CBARP: variants seen among roughly 807,000 people sequenced by gnomAD.
CBARP encodes CACN subunit beta associated regulatory protein, also known as voltage-dependent calcium channel beta subunit-associated regulatory protein.
A neutral mutation model predicts 36.3 loss-of-function variants in CBARP; 24 were observed. The ratio of observed to expected loss-of-function variants is 0.66; its 90% CI spans 0.48 to 0.93. The LOEUF (loss-of-function observed/expected upper bound fraction) is 0.93. CBARP is among the 40% of genes least tolerant of loss of function. The pLI, the probability that CBARP is intolerant of heterozygous loss-of-function variation, is 0.00. For synonymous variants in CBARP, 586 were observed against 453.2 expected (o/e 1.29, Z -3.72); for missense variants, 1,146 against 980.4 (o/e 1.17, Z -2.26).
Position 1,229,662 on chromosome 19 carries a change from C to T in CBARP, c.1635G>A (p.Lys545=), listed in dbSNP as rs1192683646. Residue 545 remains lysine (K), a synonymous_variant, in exon 10 of 10, where the codon AAG becomes AAA. Coordinates refer to ENST00000650044, the MANE Select transcript of CBARP (RefSeq NM_001393918.1). This position sits in a 1 kb window ranked among gnomAD's most constrained non-coding sequence, Gnocchi z 5.1. The part of the protein sequence containing the change: ...RPRRDYSIDE[K]TDALFHEFLR... ...GGAACTCGTGGAACAGCGCGTCCGT[C>T]TTCTCGTCGATGCTGTAGTCGCGGC... 5 of 1,151,258 alleles carry T rather than the reference C, an allele frequency of 4.3e-6. No homozygotes were observed. The highest frequency in any genetic ancestry group is 5.4e-6 in the Non-Finnish European group (5 of 920,392). 71.3% of individuals were successfully genotyped at this position (1,151,258 alleles called of 1,614,324 possible). A position where few individuals can be genotyped will look rare whatever the true frequency, so the allele number is the denominator to read the frequency against.
In CBARP at chr19:1,229,150, G is replaced by A; in HGVS notation, c.*29C>T. 2 of 982,290 alleles carry A rather than the reference G, an allele frequency of 2.0e-6. No individual in the cohort carries two copies. The highest frequency in any genetic ancestry group is 2.5e-6 in the Non-Finnish European group (2 of 801,942). 60.8% of individuals were successfully genotyped at this position (982,290 alleles called of 1,614,324 possible). The stretch of plus-strand genomic sequence containing the variant: ...GGCCCCGTGCGGCGCCGGAGAAGCT[G>A]CCAGAGAGATGGGCCCAGGACGCGG... On this transcript the variant is annotated 3_prime_UTR_variant, in exon 10 of 10. Coordinates refer to ENST00000650044, the MANE Select transcript of CBARP (RefSeq NM_001393918.1). This position sits in a 1 kb window ranked among gnomAD's most constrained non-coding sequence, Gnocchi z 5.1.
intron 9 of CBARP, 100 bp from the exon 10 acceptor site, chr19:1,230,242 AC>A: frequency 1.0e-6 from 1 of 993,440 alleles, no homozygotes; most frequent in Non-Finnish European, 1.2e-6. Flanking sequence ...CGCGGGTGGG[AC>A]TTGGGACTCG....
rs1397683622 is a variant in CBARP, at chr19:1,234,419, T to C, written c.628-88A>G. ...GGACATGGGCAGGTGAGGAGCATGC[T>C]GGGCTTGGCCCCCTGCCCTGCTCCA... is the stretch of plus-strand genomic sequence containing the variant. On this transcript the variant is annotated intron_variant, in intron 6 of 9. Coordinates refer to ENST00000650044, the MANE Select transcript of CBARP (RefSeq NM_001393918.1). The C allele has an allele frequency of 5.6e-6, 8 of 1,432,126 alleles. No homozygotes were observed. In the African/African-American group the frequency reaches 8.6e-5, roughly 15 times the overall value. 88.7% of individuals were successfully genotyped at this position (1,432,126 alleles called of 1,614,324 possible). A position where few individuals can be genotyped will look rare whatever the true frequency, so the allele number is the denominator to read the frequency against.
intron 7 of CBARP, 33 bp from the exon 8 acceptor site, chr19:1,233,669 G>A: frequency 1.9e-6 from 3 of 1,575,092 alleles, no homozygotes; most frequent in East Asian, 2.3e-5. Context: ...CTCAGGCTAA[G>A]ACTTCTTCCT....
rs1351517492 is a variant in CBARP at position 1,229,076 on chromosome 19, C to A, written c.*103G>T. 9.9e-6 allele frequency: 3 copies of A among 302,606 alleles called. No individual in the cohort carries two copies. The highest frequency in any genetic ancestry group is 6.9e-5 in the African/African-American group (3 of 43,706). 18.7% of individuals were successfully genotyped at this position (302,606 alleles called of 1,614,324 possible). A position where few individuals can be genotyped will look rare whatever the true frequency, so the allele number is the denominator to read the frequency against. On this transcript the variant is annotated 3_prime_UTR_variant, in exon 10 of 10. Transcript: ENST00000650044. The surrounding 1 kb of genome is among the most constrained non-coding windows in gnomAD (Gnocchi z 5.1). ...GCGTGCGCGAAGGGCCCGCGGTCCC[C>A]GCGCATTCGCGTCGGGGCGTCGCGC...
chr19:1,230,753 G>A lies in CBARP; in HGVS notation c.1154+348C>T, dbSNP rs117558432. 2.5e-5 allele frequency: 34 copies of A among 1,352,038 alleles called. No individual in the cohort carries two copies. The Admixed American group carries it at 6.6e-4, about 26-fold the overall frequency. The allele number at this position is 1,352,038 out of a possible 1,614,324, so 83.8% of individuals were successfully genotyped here. ...GCAGCTTCTGAGAGGAGTCTGCCCA[G>A]CCTTGGGAGCATGGGCGGGGCGGGG... On this transcript the variant is annotated intron_variant, in intron 9 of 9. Coordinates refer to ENST00000650044, the MANE Select transcript of CBARP (RefSeq NM_001393918.1).
chr19:1,234,945 C>T (rs1362990174), intron 5 of CBARP, 56 bp downstream of exon 5: 56 of 1,559,754 alleles, frequency 3.6e-5, no homozygotes, highest in African/African-American at 5.4e-5. Context: ...TCCCCCGTCC[C>T]GGCGGCCAGG....
chr19:1,230,131 G>A lies in CBARP; in HGVS notation c.1166C>T (p.Ala389Val). 1 of 1,026,814 alleles carries A rather than the reference G, an allele frequency of 9.7e-7. No homozygotes were observed. The highest frequency in any genetic ancestry group is 3.0e-5 in the South Asian group (1 of 33,028). 63.6% of individuals were successfully genotyped at this position (1,026,814 alleles called of 1,614,324 possible). Residue 389 changes from alanine to valine, a missense_variant, in exon 10 of 10, where the codon GCC becomes GTC. Coordinates refer to ENST00000650044, the MANE Select transcript of CBARP (RefSeq NM_001393918.1). ...GGGGCTCGCTCCTCCCGCTGCCTCG[G>A]CCGCCTCTAGCCTGCAAGCCAGGCC... is the stretch of plus-strand genomic sequence containing the variant. ...PPPALGRLEA[A>V]EAAGGASPDS...
chr19:1,231,830 C>T (rs908546022), intron 8 of CBARP, among the ~76,000 whole-genome samples: 4 of 151,892 alleles, frequency 2.6e-5, no homozygotes, highest in Non-Finnish European at 5.9e-5. Flanking sequence ...GTGCTGGGAC[C>T]AGAGAGCCTG....
rs746135247 is a variant in CBARP, at chr19:1,235,018, C to A, written c.438G>T (p.Thr146=). ...EAALFEQSRK[T]QDKGRRYTLT... The stretch of plus-strand genomic sequence containing the variant: ...CCGCTTACCGGCGACCCTTGTCCTG[C>A]GTCTTGCGGCTCTGCTCAAACAGCG... The change falls in exon 5 of 10, where the codon ACG becomes ACT. Residue 146 remains threonine, a synonymous_variant. Coordinates refer to ENST00000650044, the MANE Select transcript of CBARP (RefSeq NM_001393918.1). 1.9e-6 allele frequency: 3 copies of A among 1,608,678 alleles called. No homozygotes were observed. The highest frequency in any genetic ancestry group is 2.2e-5 in the South Asian group (2 of 90,934).
At chr19:1,232,732 G>A (rs551974317) in intron 8 of CBARP, among the ~76,000 whole-genome samples, 5 of 152,370 alleles carry the variant, frequency 3.3e-5, no homozygotes, top group East Asian at 3.9e-4. Flanking sequence ...CCGGAGCTTC[G>A]GTAAGTTTTA....
At chr19:1,235,669 C>T (rs1398589320) in intron 3 of CBARP, 104 bp from the exon 4 acceptor site, 58 of 1,591,150 alleles carry the variant, frequency 3.6e-5, no homozygotes, top group Non-Finnish European at 4.7e-5. Flanking sequence ...ACCCAGTCTC[C>T]AGAGGCATAG....
Position 1,231,098 on chromosome 19 carries a change from T to C in CBARP, c.1154+3A>G. ...CCTAGCACCTCCATCTACTGAAAAA[T>C]ACCTGCCGAGAGCAGGGGGCGGGCT... is the stretch of plus-strand genomic sequence containing the variant. On this transcript the variant is annotated splice_donor_region_variant and intron_variant, in intron 9 of 9. Coordinates refer to ENST00000650044, the MANE Select transcript of CBARP (RefSeq NM_001393918.1). 1.3e-6 allele frequency: 2 copies of C among 1,595,376 alleles called. No homozygotes were observed. Among genetic ancestry groups the C allele is most frequent in the Non-Finnish European group, 1.7e-6 (2 of 1,169,784 alleles).
chr19:1,232,883 C>A (rs2080912436), intron 8 of CBARP, among the ~76,000 whole-genome samples: 1 of 152,250 alleles, frequency 6.6e-6, no homozygotes, highest in African/African-American at 2.4e-5. Flanking sequence ...GAAAAGTCTG[C>A]TGACCCCTGG....
chr19:1,230,953 T>C, intron 9 of CBARP, 148 bp downstream of exon 9: 1 of 1,576,736 alleles, frequency 6.3e-7, no homozygotes, highest in Non-Finnish European at 8.6e-7. Flanking sequence ...CCCCAGTGAG[T>C]CCGCCTCTGG....
intron 8 of CBARP, among the ~76,000 whole-genome samples, chr19:1,232,812 T>C (rs1470257345): frequency 6.6e-6 from 1 of 151,784 alleles, no homozygotes; most frequent in Non-Finnish European, 1.5e-5. Flanking sequence ...AGCAGCAGAG[T>C]TGTGGAGACA....
At position 1,229,508 on chromosome 19, in the gene CBARP, C is replaced by A. The variant is rs1405744102; in HGVS notation, c.1789G>T (p.Ala597Ser). The A allele has an allele frequency of 2.0e-6, 2 of 979,232 alleles. No individual in the cohort carries two copies. Among genetic ancestry groups the A allele is most frequent in the Non-Finnish European group, 2.4e-6 (2 of 827,794 alleles). 60.7% of individuals were successfully genotyped at this position (979,232 alleles called of 1,614,324 possible). A position where few individuals can be genotyped will look rare whatever the true frequency, so the allele number is the denominator to read the frequency against. ...GGCGGTGCCGGGGTTCCGGCCAGGG[C>A]CGGGGCCGCGCGGGCGCCGGGGTCG... Reference protein sequence around the residue: ...HSDPGARAAPALAGTPAPPAG... With the variant: ...HSDPGARAAPSLAGTPAPPAG... The change falls in exon 10 of 10, where the codon GCC becomes TCC. Residue 597 changes from alanine to serine, a missense_variant. Coordinates refer to ENST00000650044, the MANE Select transcript of CBARP (RefSeq NM_001393918.1). The surrounding 1 kb of genome is among the most constrained non-coding windows in gnomAD (Gnocchi z 5.1).
At position 1,234,610 on chromosome 19, in the gene CBARP, G is replaced by A. The variant is rs958520750; in HGVS notation, c.588C>T (p.His196=). The stretch of plus-strand genomic sequence containing the variant: ...GAGTGGCCTTGGGAGAGGTGGCCGG[G>A]TGGGGCGTGGTGGCTGAGCTGGCCT... ...SGEASSATTP[H]PATSPKATLA... is the part of the protein sequence containing the mutation. Residue 196 remains histidine (H), a synonymous_variant, in exon 6 of 10, where the codon CAC becomes CAT. Coordinates refer to ENST00000650044, the MANE Select transcript of CBARP (RefSeq NM_001393918.1). 8.1e-6 allele frequency: 13 copies of A among 1,608,720 alleles called. No homozygotes were observed. The highest frequency in any genetic ancestry group is 1.7e-5 in the Admixed American group (1 of 59,306).
rs759823260 is a variant in CBARP, at chr19:1,233,578, C to T, written c.827G>A (p.Gly276Glu). The T allele has an allele frequency of 1.2e-6, 2 of 1,610,906 alleles. No individual in the cohort carries two copies. Among genetic ancestry groups the T allele is most frequent in the South Asian group, 1.1e-5 (1 of 90,866 alleles). ...AGGPGAAAGP[G>E]EAGPGSGAGT... ...TGCCCCGGATCCCGGGCCCGCCTCC[C>T]CAGGCCCTGCTGCAGCCCCGGGCCC... The change falls in exon 8 of 10, where the codon GGG (glycine) becomes GAG (glutamate). Residue 276 changes from glycine (G) to glutamate (E), a missense_variant. By Grantham distance (98) the Gly-to-Glu change is moderately conservative. Coordinates refer to ENST00000650044, the MANE Select transcript of CBARP (RefSeq NM_001393918.1).
Sources: gnomAD v4.1 joint callset for allele counts (sites outside exome capture counted in the v4.1 genomes callset) on GRCh38, gnomAD v4.1.1 for gene constraint, Gnocchi (gnomAD v3.1) non-coding constraint, MANE v1.5 for transcripts, NCBI Gene and HGNC (gene_info 2026-07-23, HGNC 2026-07-21) for gene names.